The following DSCAML1 variants were observed in gnomAD, a reference collection of about 807,000 sequenced individuals.
DSCAML1 encodes the protein DS cell adhesion molecule like 1.
A neutral mutation model predicts 200.5 loss-of-function variants in DSCAML1; 38 were observed. That is an observed-to-expected ratio of 0.19 (90% CI 0.15 to 0.25). The LOEUF (loss-of-function observed/expected upper bound fraction) is 0.25. Among genes scored for constraint, DSCAML1 ranks in the 10% least tolerant of loss-of-function variants. The pLI is 1.00. For synonymous variants in DSCAML1, 1,215 were observed against 1,165.0 expected, an observed-to-expected ratio of 1.04 and a Z score of -0.87; for missense variants, 2,223 against 2,858.8, an observed-to-expected ratio of 0.78 and a Z score of 5.07.
rs1052288723 is a variant in DSCAML1, at chr11:117,678,006, G to A, written c.511+98785C>T. On this transcript the variant is annotated intron_variant, in intron 3 of 32. Coordinates refer to ENST00000651296, the MANE Select transcript of DSCAML1 (RefSeq NM_020693.4). ...CTAGAACAGAGCTAAGGGGGACTCC[G>A]GAGACCAACCAAAAAGGTCATTGCC... is the stretch of plus-strand genomic sequence containing the variant. 4.6e-5 allele frequency among the ~76,000 whole-genome samples: 7 copies of A among 152,304 alleles called. No individual in the cohort carries two copies. In the East Asian group the frequency reaches 7.7e-4, roughly 17 times the overall value.
chr11:117,810,032 TTCACACACATTCACAC>T (rs565757821), intron 1 of DSCAML1, among the ~76,000 whole-genome samples: 10 of 150,556 alleles, frequency 6.6e-5, no homozygotes, highest in East Asian at 1.9e-4. Context: ...TTCAAATATT[TTCACACACATTCACAC>T]TCACACACAT....
rs539896623 is a variant in DSCAML1, at chr11:117,743,403, T to C, written c.511+33388A>G. On this transcript the variant is annotated intron_variant, in intron 3 of 32. Coordinates refer to ENST00000651296, the MANE Select transcript of DSCAML1 (RefSeq NM_020693.4). ...TATCCCAGTTGTGACCGACATAAAC[T>C]CCAGGCTTCCTGACATCCCTCAGTT... is the stretch of plus-strand genomic sequence containing the variant. Among the ~76,000 whole-genome samples, 3 of 152,212 alleles carry C rather than the reference T, an allele frequency of 2.0e-5. No homozygotes were observed. The South Asian group carries it at 6.2e-4, about 32-fold the overall frequency.
intron 8 of DSCAML1, among the ~76,000 whole-genome samples, chr11:117,514,431 T>C (rs776011482): frequency 1.5e-4 from 23 of 151,938 alleles, no homozygotes; most frequent in Non-Finnish European, 2.4e-4. Flanking sequence ...AGGCAGAGCA[T>C]GGAGCAAACG....
intron 1 of DSCAML1, among the ~76,000 whole-genome samples, chr11:117,816,671 C>T (rs2055810388): frequency 1.3e-5 from 2 of 152,310 alleles, no homozygotes; most frequent in East Asian, 1.9e-4. Flanking sequence ...CCCCTCACGC[C>T]CTCCACTCCC....
At chr11:117,731,814 T>C in intron 3 of DSCAML1, among the ~76,000 whole-genome samples, 1 of 152,216 alleles carries the variant, frequency 6.6e-6, no homozygotes, top group East Asian at 1.9e-4. Flanking sequence ...AGGTGCTCAA[T>C]AAATGTGGAT....
rs866005813 is a variant in DSCAML1, at chr11:117,744,242, C to T, written c.511+32549G>A. 5.9e-5 allele frequency among the ~76,000 whole-genome samples: 9 copies of T among 152,370 alleles called. No individual in the cohort carries two copies. In the Middle Eastern group the frequency reaches 0.031, roughly 518 times the overall value. ...GTTAAGTAACTTGCTTAAGGTCACA[C>T]ATCAAGTGGCTGAGCCAGGATGCAA... On this transcript the variant is annotated intron_variant, in intron 3 of 32. Coordinates refer to ENST00000651296, the MANE Select transcript of DSCAML1 (RefSeq NM_020693.4).
chr11:117,548,526 G>A (rs551307676), intron 3 of DSCAML1, among the ~76,000 whole-genome samples: 3 of 152,290 alleles, frequency 2.0e-5, no homozygotes, highest in Middle Eastern at 3.4e-3. Context: ...GGCTCCCACC[G>A]TTGGGCCACA....
intron 3 of DSCAML1, among the ~76,000 whole-genome samples, chr11:117,765,334 C>T (rs958815202): frequency 9.9e-5 from 15 of 152,196 alleles, no homozygotes; most frequent in South Asian, 4.1e-4. Context: ...AAGCCAAGAG[C>T]GTAATGGGAG....
At chr11:117,649,720 G>C (rs2052590393) in intron 3 of DSCAML1, among the ~76,000 whole-genome samples, 1 of 152,176 alleles carries the variant, frequency 6.6e-6, no homozygotes. Context: ...TTCCACAATG[G>C]CTATTGAATA....
At chr11:117,770,364 T>C (rs945289268) in intron 3 of DSCAML1, among the ~76,000 whole-genome samples, 2 of 152,094 alleles carry the variant, frequency 1.3e-5, no homozygotes, top group Admixed American at 6.5e-5. Flanking sequence ...TCCAGACTCA[T>C]AAGTAGTTAA....
intron 11 of DSCAML1, among the ~76,000 whole-genome samples, chr11:117,494,385 G>A (rs888756485): frequency 3.3e-5 from 5 of 152,212 alleles, no homozygotes; most frequent in East Asian, 1.9e-4. Context: ...TATGAGACCC[G>A]GTTACTGAAC....
At chr11:117,582,671 G>A (rs1169604964) in intron 3 of DSCAML1, among the ~76,000 whole-genome samples, 4 of 152,194 alleles carry the variant, frequency 2.6e-5, no homozygotes, top group Non-Finnish European at 4.4e-5. Context: ...GTAAGGGAGA[G>A]GGGAATATCC....
chr11:117,691,364 C>T (rs560251220), intron 3 of DSCAML1, among the ~76,000 whole-genome samples: 33 of 152,296 alleles, frequency 2.2e-4, no homozygotes, highest in Admixed American at 3.9e-4. Context: ...CCTCTGCCAA[C>T]GGCCTCCCCA....
In DSCAML1 at chr11:117,674,094, T is replaced by A. The variant is rs1489417591; in HGVS notation, c.511+102697A>T. 2.0e-5 allele frequency among the ~76,000 whole-genome samples: 3 copies of A among 152,222 alleles called. 1 individual carries two copies. Among genetic ancestry groups the A allele is most frequent in the Middle Eastern group, 6.3e-3 (2 of 316 alleles). Reference sequence around the variant, plus strand: ...TAGATTCTCCACTGGAGGAAGCAAGTGCAGCACTTATATCCAAAGCAACTT... The same window carrying A: ...TAGATTCTCCACTGGAGGAAGCAAGAGCAGCACTTATATCCAAAGCAACTT... On this transcript the variant is annotated intron_variant, in intron 3 of 32. Transcript: ENST00000651296.
rs377333670 is a variant in DSCAML1 at position 117,516,020 on chromosome 11, G to A, written c.1783+447C>T. On this transcript the variant is annotated intron_variant, in intron 8 of 32. Coordinates refer to ENST00000651296, the MANE Select transcript of DSCAML1 (RefSeq NM_020693.4). This position sits in a 1 kb window ranked among gnomAD's most constrained non-coding sequence, Gnocchi z 5.7. ...GTCCTGTAGAAGCAGCCTGGGTACTGTGTATCCCACAGGGGGTCAGGGCTC... is the reference window on the plus strand; with the variant it reads ...GTCCTGTAGAAGCAGCCTGGGTACTATGTATCCCACAGGGGGTCAGGGCTC... Among the ~76,000 whole-genome samples, 1 of 152,168 alleles carries A rather than the reference G, an allele frequency of 6.6e-6. No homozygotes were observed. Among genetic ancestry groups the A allele is most frequent in the Non-Finnish European group, 1.5e-5 (1 of 68,026 alleles).
chr11:117,765,447 C>T (rs986506081), intron 3 of DSCAML1, among the ~76,000 whole-genome samples: 2 of 152,176 alleles, frequency 1.3e-5, no homozygotes, highest in Non-Finnish European at 2.9e-5. Context: ...GCCTTTAGCC[C>T]TGAAGGTCCC....
chr11:117,474,844 T>C (rs1226681370), intron 14 of DSCAML1, among the ~76,000 whole-genome samples: 1 of 151,292 alleles, frequency 6.6e-6, no homozygotes, highest in Non-Finnish European at 1.5e-5. Context: ...AAGCTCCGCC[T>C]CCCGGGTTCG....
At chr11:117,802,741 T>G (rs767791238) in intron 1 of DSCAML1, among the ~76,000 whole-genome samples, 2 of 152,148 alleles carry the variant, frequency 1.3e-5, no homozygotes, top group Non-Finnish European at 2.9e-5. Flanking sequence ...ATCTTGACCT[T>G]GTAGGCAGCG....
rs1565280791 is a variant in DSCAML1, at chr11:117,780,248, GAAA to G, written c.364+242_364+244del. 5.5e-3 allele frequency among the ~76,000 whole-genome samples: 423 copies of G among 76,722 alleles called. 10 individuals are homozygous for G. The highest frequency in any genetic ancestry group is 0.022 in the Middle Eastern group (4 of 180). The allele number at this position is 76,722 out of a possible 152,430, so 50.3% of individuals were successfully genotyped here. A position where few individuals can be genotyped will look rare whatever the true frequency, so the allele number is the denominator to read the frequency against. On this transcript the variant is annotated intron_variant, in intron 2 of 32. Transcript: ENST00000651296. The surrounding 1 kb of genome is among the most constrained non-coding windows in gnomAD (Gnocchi z 4.8). ...GAAAGAAAGGAAAGAAAGAAAGAAAGAAAGAAAGAAAGAAAGAAAGAAAGAAAG... is the reference window on the plus strand; with the variant it reads ...GAAAGAAAGGAAAGAAAGAAAGAAAGGAAAGAAAGAAAGAAAGAAAGAAAG...
Sources: gnomAD v4.1 joint callset for allele counts (sites outside exome capture counted in the v4.1 genomes callset) on GRCh38, gnomAD v4.1.1 for gene constraint, Gnocchi (gnomAD v3.1) non-coding constraint, MANE v1.5 for transcripts, NCBI Gene and HGNC (gene_info 2026-07-23, HGNC 2026-07-21) for gene names.